Variants in HS3ST4 observed in about 807,000 individuals in gnomAD.
HS3ST4 encodes heparan sulfate-glucosamine 3-sulfotransferase 4.
In HS3ST4, 17 loss-of-function variants were observed where a neutral mutation model predicts 29.2. That is an observed-to-expected ratio of 0.58 (90% CI 0.40 to 0.87). The LOEUF is 0.87. HS3ST4 is among the 40% of genes least tolerant of loss of function. The pLI is 0.00. For missense variants in HS3ST4, 627 were observed against 634.5 expected (o/e 0.99, Z 0.13); for synonymous variants, 314 against 285.7 (o/e 1.10, Z -1.00).
At chr16:25,802,927 ATG>A (rs71158967) in intron 1 of HS3ST4, among the ~76,000 whole-genome samples, 9,235 of 101,856 alleles carry the variant, frequency 0.091, 801 homozygotes, top group African/African-American at 0.28. Flanking sequence ...TAAGTTATAT[ATG>A]TGTGTGTGTG....
chr16:25,795,938 A>G (rs1458482935), intron 1 of HS3ST4, among the ~76,000 whole-genome samples: 3 of 148,442 alleles, frequency 2.0e-5, no homozygotes, highest in South Asian at 2.1e-4. Flanking sequence ...TGAGACTGTC[A>G]AAACTCTTTT....
At chr16:25,771,477 C>T (rs2141611139) in intron 1 of HS3ST4, among the ~76,000 whole-genome samples, 1 of 152,134 alleles carries the variant, frequency 6.6e-6, no homozygotes, top group African/African-American at 2.4e-5. Flanking sequence ...CACAGACTCT[C>T]CTCTCTGCTT....
At chr16:25,845,013 C>T (rs1464453791) in intron 1 of HS3ST4, among the ~76,000 whole-genome samples, 1 of 151,600 alleles carries the variant, frequency 6.6e-6, no homozygotes, top group Non-Finnish European at 1.5e-5. Flanking sequence ...CACATGGACA[C>T]AGGGAGGGGA....
At position 25,804,258 on chromosome 16, in the gene HS3ST4, C is replaced by A. The variant is rs991322031; in HGVS notation, c.734+111107C>A. On this transcript the variant is annotated intron_variant, in intron 1 of 1. Coordinates refer to ENST00000331351, the MANE Select transcript of HS3ST4 (RefSeq NM_006040.3). ...ATCAACATATCATCTATAGAAACCA[C>A]GATAACAGCAATTTCTAAATAATTT... Among the ~76,000 whole-genome samples the A allele has an allele frequency of 3.3e-5, 5 of 152,250 alleles. No homozygotes were observed. The East Asian group carries it at 9.6e-4, about 29-fold the overall frequency.
At chr16:25,999,068 G>C (rs1010590513) in intron 1 of HS3ST4, among the ~76,000 whole-genome samples, 5 of 151,892 alleles carry the variant, frequency 3.3e-5, no homozygotes, top group African/African-American at 1.2e-4. Flanking sequence ...CTCTTCTTCT[G>C]TCAGTTCTGA....
chr16:26,067,758 G>T (rs887081952), intron 1 of HS3ST4, among the ~76,000 whole-genome samples: 6 of 152,166 alleles, frequency 3.9e-5, no homozygotes, highest in Non-Finnish European at 7.4e-5. Flanking sequence ...ATGGGGAGGA[G>T]CTGGTGGGAG....
At chr16:25,917,107 A>G (rs568185769) in intron 1 of HS3ST4, among the ~76,000 whole-genome samples, 1 of 152,296 alleles carries the variant, frequency 6.6e-6, no homozygotes, top group East Asian at 1.9e-4. Flanking sequence ...CAATTTCTCT[A>G]TGTAGGGGTC....
intron 1 of HS3ST4, among the ~76,000 whole-genome samples, chr16:26,022,141 TA>T (rs1301364434): frequency 6.6e-6 from 1 of 152,100 alleles, no homozygotes. Context: ...TTTTTAAAAT[TA>T]TTTTTTTGTA....
In HS3ST4 at chr16:26,112,446, G is replaced by A. The variant is rs575865279; in HGVS notation, c.735-23166G>A. On this transcript the variant is annotated intron_variant, in intron 1 of 1. Coordinates refer to ENST00000331351, the MANE Select transcript of HS3ST4 (RefSeq NM_006040.3). The stretch of plus-strand genomic sequence containing the variant: ...CACCTGGGCTGGAGTGCAGTGACAC[G>A]ACCTTGGCCCACCACAAGCTCCACC... 2.2e-3 allele frequency among the ~76,000 whole-genome samples: 296 copies of A among 134,264 alleles called. 4 individuals carry two copies. Among genetic ancestry groups the A allele is most frequent in the African/African-American group, 8.0e-3 (283 of 35,496 alleles). 88.1% of individuals were successfully genotyped at this position (134,264 alleles called of 152,430 possible).
At chr16:25,744,228 T>A (rs1966671896) in intron 1 of HS3ST4, among the ~76,000 whole-genome samples, 1 of 152,228 alleles carries the variant, frequency 6.6e-6, no homozygotes, top group South Asian at 2.1e-4. Context: ...TTGAGTAAAG[T>A]GGTTAACTAA....
At chr16:25,828,308 C>T (rs1471996096) in intron 1 of HS3ST4, among the ~76,000 whole-genome samples, 1,022 of 81,278 alleles carry the variant, frequency 0.013, 16 homozygotes, top group African/African-American at 0.019. Flanking sequence ...TTCCCTCTCT[C>T]TCTCTCTCTC....
chr16:26,033,263 C>T (rs988386651), intron 1 of HS3ST4, among the ~76,000 whole-genome samples: 2 of 152,018 alleles, frequency 1.3e-5, no homozygotes, highest in African/African-American at 4.8e-5. Context: ...CGCCTGTAAT[C>T]CCAGCATTTT....
intron 1 of HS3ST4, among the ~76,000 whole-genome samples, chr16:26,006,099 G>A (rs536258533): frequency 3.6e-4 from 55 of 152,072 alleles, no homozygotes; most frequent in Admixed American, 8.5e-4. Flanking sequence ...AGGAGTTCAA[G>A]ACCAGCCTGG....
At chr16:25,878,847 A>G (rs1967862419) in intron 1 of HS3ST4, among the ~76,000 whole-genome samples, 1 of 152,154 alleles carries the variant, frequency 6.6e-6, no homozygotes, top group Non-Finnish European at 1.5e-5. Flanking sequence ...AATACCAGAT[A>G]TCGGGCCAAG....
chr16:25,993,959 TGTG>T (rs1969136232), intron 1 of HS3ST4, among the ~76,000 whole-genome samples: 1 of 71,348 alleles, frequency 1.4e-5, no homozygotes, highest in African/African-American at 4.3e-5. Flanking sequence ...CGTGTGTGTG[TGTG>T]TGTGTGTGTG....
At position 25,833,083 on chromosome 16, in the gene HS3ST4, G is replaced by A. The variant is rs145029039; in HGVS notation, c.734+139932G>A. Among the ~76,000 whole-genome samples, 341 of 152,160 alleles carry A rather than the reference G, an allele frequency of 2.2e-3. 2 individuals carry two copies. The highest frequency in any genetic ancestry group is 3.6e-3 in the Non-Finnish European group (242 of 68,006). On this transcript the variant is annotated intron_variant, in intron 1 of 1. Coordinates refer to ENST00000331351, the MANE Select transcript of HS3ST4 (RefSeq NM_006040.3). Reference sequence around the variant, plus strand: ...ATTTTCAGCTTCAGTTGGAGATTTGGTCCACTAAACCTAGCTAATTTCCCC... The same window carrying A: ...ATTTTCAGCTTCAGTTGGAGATTTGATCCACTAAACCTAGCTAATTTCCCC...
At chr16:25,711,893 T>C (rs1399251542) in intron 1 of HS3ST4, among the ~76,000 whole-genome samples, 2 of 152,196 alleles carry the variant, frequency 1.3e-5, no homozygotes, top group Non-Finnish European at 2.9e-5. Flanking sequence ...CCTCCCAAAG[T>C]GCTGGGATTA....
chr16:26,056,519 G>A (rs942980789), intron 1 of HS3ST4, among the ~76,000 whole-genome samples: 1 of 152,208 alleles, frequency 6.6e-6, no homozygotes, highest in Non-Finnish European at 1.5e-5. Context: ...AGTGCTCTGA[G>A]AGCCATTGCA....
chr16:26,024,474 G>T (rs979802023), intron 1 of HS3ST4, among the ~76,000 whole-genome samples: 27 of 152,238 alleles, frequency 1.8e-4, no homozygotes, highest in African/African-American at 6.0e-4. Flanking sequence ...GCTTACACCT[G>T]TAATCCCATC....
Sources: allele counts gnomAD v4.1 joint callset (sites outside exome capture counted in the v4.1 genomes callset), GRCh38; gene constraint gnomAD v4.1.1; transcripts MANE v1.5; gene names NCBI Gene and HGNC (gene_info 2026-07-23, HGNC 2026-07-21).